The following ANTXR1 variants were observed in gnomAD, a reference collection of about 807,000 sequenced individuals.
The protein encoded by ANTXR1 is ANTXR cell adhesion molecule 1.
In ANTXR1, 19 loss-of-function variants were observed where a neutral mutation model predicts 78.1. That is an observed-to-expected ratio of 0.24 (90% CI 0.17 to 0.36). ANTXR1 has a LOEUF of 0.36. Among genes scored for constraint, ANTXR1 ranks in the 10% least tolerant of loss-of-function variants. The pLI, the probability that ANTXR1 is intolerant of heterozygous loss-of-function variation, is 1.00. For synonymous variants in ANTXR1, 273 were observed against 260.5 expected, an observed-to-expected ratio of 1.05 and a Z score of -0.46; for missense variants, 518 against 718.6, an observed-to-expected ratio of 0.72 and a Z score of 3.19.
At chr2:69,083,676 T>C (rs1670961734) in intron 8 of ANTXR1, among the ~76,000 whole-genome samples, 1 of 151,710 alleles carries the variant, frequency 6.6e-6, no homozygotes, top group African/African-American at 2.4e-5. Flanking sequence ...ACCATAGAGC[T>C]TTTGTGACCC....
At chr2:69,236,348 G>A (rs1168201742) in intron 17 of ANTXR1, among the ~76,000 whole-genome samples, 1 of 152,026 alleles carries the variant, frequency 6.6e-6, no homozygotes, top group African/African-American at 2.4e-5. Context: ...ATATGTATAT[G>A]TATACACACA....
Position 69,245,539 on chromosome 2 carries a change from A to T in ANTXR1, c.*54A>T. 6.2e-7 allele frequency: 1 copy of T among 1,604,206 alleles called. No homozygotes were observed. The highest frequency in any genetic ancestry group is 8.5e-7 in the Non-Finnish European group (1 of 1,177,220). On this transcript the variant is annotated 3_prime_UTR_variant, in exon 18 of 18. Transcript: ENST00000303714. ...CAGAAACTTCAGGAGATGTTAGAAC[A>T]AGTCTTTCCAGTTAGAGAAGAGGAG...
At chr2:69,095,884 A>T (rs559084693) in intron 9 of ANTXR1, among the ~76,000 whole-genome samples, 7 of 152,312 alleles carry the variant, frequency 4.6e-5, no homozygotes, top group African/African-American at 1.7e-4. Context: ...GGAAACCAGT[A>T]TTCCTGGAAC....
chr2:69,102,558 G>T (rs773365330), intron 9 of ANTXR1, among the ~76,000 whole-genome samples: 4 of 152,268 alleles, frequency 2.6e-5, no homozygotes, highest in Non-Finnish European at 5.9e-5. Flanking sequence ...TGAATGGACA[G>T]AGAGGAGGGA....
chr2:69,156,857 C>T (rs1424229031), intron 13 of ANTXR1, among the ~76,000 whole-genome samples: 3 of 152,238 alleles, frequency 2.0e-5, no homozygotes, highest in African/African-American at 4.8e-5. Flanking sequence ...TCACCTCCCA[C>T]TAGGCCCCTC....
At chr2:69,021,834 G>A (rs1158780346) in intron 1 of ANTXR1, among the ~76,000 whole-genome samples, 1 of 152,176 alleles carries the variant, frequency 6.6e-6, no homozygotes, top group African/African-American at 2.4e-5. Flanking sequence ...TCTGGAGAAA[G>A]GTCAGTTTTG....
intron 13 of ANTXR1, among the ~76,000 whole-genome samples, chr2:69,163,684 C>G (rs778645247): frequency 6.6e-6 from 1 of 152,160 alleles, no homozygotes; most frequent in African/African-American, 2.4e-5. Context: ...GAAAAGAACA[C>G]GCATTCAGGA....
intron 13 of ANTXR1, among the ~76,000 whole-genome samples, chr2:69,168,122 A>C (rs1419595915): frequency 6.6e-6 from 1 of 152,178 alleles, no homozygotes; most frequent in African/African-American, 2.4e-5. Flanking sequence ...CAGTTCATGA[A>C]ATGCTGGCCC....
intron 3 of ANTXR1, among the ~76,000 whole-genome samples, chr2:69,057,238 C>T (rs926890501): frequency 6.6e-6 from 1 of 152,154 alleles, no homozygotes; most frequent in Non-Finnish European, 1.5e-5. Flanking sequence ...TGTACTTATA[C>T]TTGCCTCCTG....
chr2:69,243,044 A>T (rs968346179), intron 17 of ANTXR1, among the ~76,000 whole-genome samples: 4 of 152,224 alleles, frequency 2.6e-5, no homozygotes, highest in Admixed American at 6.5e-5. Flanking sequence ...GTTTAATCAC[A>T]TGAAATGCAA....
At chr2:69,138,200 A>T (rs1672971198) in intron 12 of ANTXR1, among the ~76,000 whole-genome samples, 1 of 152,146 alleles carries the variant, frequency 6.6e-6, no homozygotes, top group East Asian at 1.9e-4. Context: ...GAGATTTAAT[A>T]GTTTGGGGAA....
chr2:69,107,859 A>T (rs1391556154), intron 10 of ANTXR1, among the ~76,000 whole-genome samples: 1 of 58,248 alleles, frequency 1.7e-5, no homozygotes, highest in East Asian at 7.3e-4. Context: ...AGACTTCTTT[A>T]ACATAAAAAT....
At chr2:69,188,808 TC>T (rs1674485779) in intron 16 of ANTXR1, among the ~76,000 whole-genome samples, 1 of 152,168 alleles carries the variant, frequency 6.6e-6, no homozygotes, top group Non-Finnish European at 1.5e-5. Flanking sequence ...CTCAGAAGGA[TC>T]CTCTAAGACT....
At chr2:69,244,234 G>T (rs1675961017) in intron 17 of ANTXR1, among the ~76,000 whole-genome samples, 2 of 152,230 alleles carry the variant, frequency 1.3e-5, no homozygotes, top group African/African-American at 4.8e-5. Context: ...CTGCTTTAAG[G>T]GGTTCCAGGG....
intron 17 of ANTXR1, among the ~76,000 whole-genome samples, chr2:69,212,503 C>T (rs1319376695): frequency 6.6e-6 from 1 of 152,180 alleles, no homozygotes; most frequent in Non-Finnish European, 1.5e-5. Context: ...GAGTGCAATA[C>T]CTAAGAGCAG....
At chr2:69,243,313 A>T (rs1011747862) in intron 17 of ANTXR1, among the ~76,000 whole-genome samples, 1 of 152,216 alleles carries the variant, frequency 6.6e-6, no homozygotes, top group Non-Finnish European at 1.5e-5. Context: ...AGCAAAGCAC[A>T]AAACAAGGCT....
chr2:69,019,002 G>T (rs1220266469), intron 1 of ANTXR1, among the ~76,000 whole-genome samples: 1 of 152,168 alleles, frequency 6.6e-6, no homozygotes, highest in Admixed American at 6.5e-5. Context: ...AGATCTAGGG[G>T]GTTAATTGAT....
At chr2:69,107,479 A>G (rs1671847859) in intron 10 of ANTXR1, among the ~76,000 whole-genome samples, 1 of 152,136 alleles carries the variant, frequency 6.6e-6, no homozygotes, top group Non-Finnish European at 1.5e-5. Flanking sequence ...GGCTCAAGCT[A>G]TCTACCCACC....
chr2:69,124,439 G>A, intron 11 of ANTXR1, 126 bp from the exon 12 acceptor site: 1 of 846,650 alleles, frequency 1.2e-6, no homozygotes, highest in South Asian at 1.4e-5. Context: ...CTCCTCCCCT[G>A]GAGAAGAGAC....
Sources: gnomAD v4.1 joint callset for allele counts (sites outside exome capture counted in the v4.1 genomes callset) on GRCh38, gnomAD v4.1.1 for gene constraint, MANE v1.5 for transcripts, NCBI Gene and HGNC (gene_info 2026-07-23, HGNC 2026-07-21) for gene names.